PYGL: variants seen among roughly 807,000 people sequenced by gnomAD.
PYGL encodes glycogen phosphorylase, liver form.
PYGL carries 90 observed loss-of-function variants against 100.1 expected under a neutral mutation model. The observed-to-expected ratio is 0.90, with a 90% CI of 0.76 to 1.07. The LOEUF (loss-of-function observed/expected upper bound fraction) is 1.07. Ranked by LOEUF, PYGL falls within the 50% of genes least tolerant of loss-of-function variation. PYGL has a pLI of 0.00. For synonymous variants in PYGL, 373 were observed against 393.0 expected (o/e 0.95, Z 0.60); for missense variants, 1,016 against 1,057.6 (o/e 0.96, Z 0.55).
intron 5 of PYGL, chr14:50,921,364 G>A (rs1028514566): frequency 8.5e-6 from 3 of 351,622 alleles, no homozygotes; most frequent in African/African-American, 6.3e-5. Context: ...CAGTGGAATG[G>A]AATGATATGG....
At chr14:50,909,863 T>C (rs2050374549) in intron 17 of PYGL, 32 bp downstream of exon 17, 2 of 1,611,946 alleles carry the variant, frequency 1.2e-6, no homozygotes, top group Non-Finnish European at 1.7e-6. Flanking sequence ...GGAGGGGCAG[T>C]CCTGCCTAGC....
chr14:50,931,582 CTA>C, intron 4 of PYGL, 89 bp downstream of exon 4: 1 of 1,182,352 alleles, frequency 8.5e-7, no homozygotes, highest in Non-Finnish European at 1.2e-6. Context: ...TAGTACAGCT[CTA>C]TGTTAAAGGT....
Position 50,905,291 on chromosome 14 carries a change from A to T in PYGL, c.*101T>A. ...TCCCTCCCCATTCCCAGAGATACTC[A>T]ACTATTATAGATTATTAGCTAACAA... is the stretch of plus-strand genomic sequence containing the variant. On this transcript the variant is annotated 3_prime_UTR_variant, in exon 20 of 20. Transcript: ENST00000216392. The T allele has an allele frequency of 8.1e-7, 1 of 1,230,150 alleles. No homozygotes were observed. Among genetic ancestry groups the T allele is most frequent in the Non-Finnish European group, 1.2e-6 (1 of 845,024 alleles). The allele number at this position is 1,230,150 out of a possible 1,614,324, so 76.2% of individuals were successfully genotyped here. A position where few individuals can be genotyped will look rare whatever the true frequency, so the allele number is the denominator to read the frequency against.
At chr14:50,920,702 G>T in intron 6 of PYGL, 79 bp from the exon 7 acceptor site, 2 of 1,395,592 alleles carry the variant, frequency 1.4e-6, no homozygotes, top group Non-Finnish European at 2.0e-6. Flanking sequence ...CTGGCTCTGT[G>T]CTGTGTGTCA....
At chr14:50,928,646 A>C (rs1006024858) in intron 4 of PYGL, among the ~76,000 whole-genome samples, 81 of 135,094 alleles carry the variant, frequency 6.0e-4, no homozygotes, top group African/African-American at 2.1e-3. Flanking sequence ...ACACAATTTC[A>C]GGGGGTGCAC....
chr14:50,938,395 G>A (rs549116808), intron 1 of PYGL, among the ~76,000 whole-genome samples: 1 of 1,464 alleles, frequency 6.8e-4, no homozygotes, highest in African/African-American at 1.8e-3. Flanking sequence ...ATTTTTAGTA[G>A]AGATGGGGTT....
Position 50,909,850 on chromosome 14 carries a change from G to A in PYGL, c.2177+45C>T, listed in dbSNP as rs186345168. 5 of 1,601,918 alleles carry A rather than the reference G, an allele frequency of 3.1e-6. No homozygotes were observed. In the African/African-American group the frequency reaches 5.4e-5, roughly 17 times the overall value. ...CCCTCTGAGGTCACATACCTTCTAG[G>A]GGGGAGGGGCAGTCCTGCCTAGCAA... is the stretch of plus-strand genomic sequence containing the variant. On this transcript the variant is annotated intron_variant, in intron 17 of 19. Coordinates refer to ENST00000216392, the MANE Select transcript of PYGL (RefSeq NM_002863.5).
intron 1 of PYGL, among the ~76,000 whole-genome samples, chr14:50,940,244 T>C (rs1176758876): frequency 6.7e-6 from 1 of 149,432 alleles, no homozygotes; most frequent in African/African-American, 2.6e-5. Context: ...CATGTGTGTA[T>C]TTTCATTATC....
chr14:50,920,206 A>T (rs1462401499), intron 7 of PYGL, among the ~76,000 whole-genome samples: 2 of 152,226 alleles, frequency 1.3e-5, no homozygotes, highest in African/African-American at 4.8e-5. Context: ...GACTTTGCAG[A>T]TAAAATTTCT....
intron 7 of PYGL, among the ~76,000 whole-genome samples, chr14:50,917,905 G>A (rs934894528): frequency 5.9e-5 from 9 of 152,170 alleles, no homozygotes; most frequent in Admixed American, 1.3e-4. Flanking sequence ...TTACCTGGTC[G>A]TAGAATTAAA....
rs529543242 is a variant in PYGL at position 50,912,834 on chromosome 14, A to G, written c.1620+195T>C. Among the ~76,000 whole-genome samples the G allele has an allele frequency of 2.6e-3, 393 of 152,300 alleles. 1 individual carries two copies. Among genetic ancestry groups the G allele is most frequent in the African/African-American group, 8.4e-3 (350 of 41,586 alleles). On this transcript the variant is annotated intron_variant, in intron 13 of 19. Coordinates refer to ENST00000216392, the MANE Select transcript of PYGL (RefSeq NM_002863.5). ...CCGGGCGTGGTGGCGGGCGCCTGTC[A>G]TCCCAGCTGCTTGGGAGGCTGAGGC...
At position 50,907,116 on chromosome 14, in the gene PYGL, C is replaced by G. The variant is rs972186073; in HGVS notation, c.2379+1155G>C. Reference sequence around the variant, plus strand: ...GATGATCAACCTTTTTACATATTTACAAAACACAGCTAGAGAGTTGTTTGA... The same window carrying G: ...GATGATCAACCTTTTTACATATTTAGAAAACACAGCTAGAGAGTTGTTTGA... On this transcript the variant is annotated intron_variant, in intron 19 of 19. Transcript: ENST00000216392. 2.0e-5 allele frequency among the ~76,000 whole-genome samples: 3 copies of G among 152,292 alleles called. No individual in the cohort carries two copies. The East Asian group carries it at 5.8e-4, about 29-fold the overall frequency.
Position 50,915,872 on chromosome 14 carries a change from G to A in PYGL, c.1192C>T (p.Pro398Ser). ...TCATAAATGATTTCCAAATGTCGAGGGAGCAGCTTCTCCACCAGGTCCACG... is the reference window on the plus strand; with the variant it reads ...TCATAAATGATTTCCAAATGTCGAGAGAGCAGCTTCTCCACCAGGTCCACG... Reference protein sequence around the residue: ...WPVDLVEKLLPRHLEIIYEIN... With the variant: ...WPVDLVEKLLSRHLEIIYEIN... The change falls in exon 10 of 20, where the codon CCT becomes TCT. Residue 398 changes from proline to serine, a missense_variant. Transcript: ENST00000216392. The A allele has an allele frequency of 1.2e-6, 2 of 1,614,172 alleles. No homozygotes were observed. The highest frequency in any genetic ancestry group is 1.7e-6 in the Non-Finnish European group (2 of 1,180,012).
chr14:50,922,515 T>C (rs539963082), intron 5 of PYGL, among the ~76,000 whole-genome samples: 14 of 152,172 alleles, frequency 9.2e-5, no homozygotes, highest in African/African-American at 3.4e-4. Context: ...CAAACAAGAG[T>C]TGGACCCTTC....
intron 4 of PYGL, among the ~76,000 whole-genome samples, chr14:50,928,656 C>T (rs961946584): frequency 2.0e-5 from 3 of 150,738 alleles, no homozygotes; most frequent in Non-Finnish European, 3.0e-5. Context: ...AGGGGGTGCA[C>T]GATGAACACT....
chr14:50,912,130 G>A (rs1209825804), intron 14 of PYGL, 26 bp downstream of exon 14: 1 of 1,614,208 alleles, frequency 6.2e-7, no homozygotes, highest in Non-Finnish European at 8.5e-7. Context: ...CTGCAAGGGG[G>A]CTTGTTGGCT....
rs77461726 is a variant in PYGL at position 50,911,875 on chromosome 14, T to C, written c.1828-4A>G. 1.3e-6 allele frequency: 2 copies of C among 1,549,872 alleles called. No individual in the cohort carries two copies. The highest frequency in any genetic ancestry group is 2.3e-5 in the East Asian group (1 of 43,558). Reference sequence around the variant, plus strand: ...CCATGTGATATCCTGGGGCAGCCTTTGGGGAAGAAGGTCAAACGCATTGAC... The same window carrying C: ...CCATGTGATATCCTGGGGCAGCCTTCGGGGAAGAAGGTCAAACGCATTGAC... On this transcript the variant is annotated splice_polypyrimidine_tract_variant and splice_region_variant and intron_variant, in intron 15 of 19. Coordinates refer to ENST00000216392, the MANE Select transcript of PYGL (RefSeq NM_002863.5).
intron 3 of PYGL, among the ~76,000 whole-genome samples, chr14:50,932,307 C>T (rs2050608923): frequency 6.6e-6 from 1 of 152,178 alleles, no homozygotes; most frequent in African/African-American, 2.4e-5. Flanking sequence ...ATTAGGTGAT[C>T]ATATGCTTCA....
In PYGL at chr14:50,924,070, C is replaced by T. The variant is rs770642815; in HGVS notation, c.559G>A (p.Gly187Arg). 6.2e-7 allele frequency: 1 copy of T among 1,613,852 alleles called. No homozygotes were observed. Among genetic ancestry groups the T allele is most frequent in the East Asian group, 2.2e-5 (1 of 44,878 alleles). ...VEEADDWLRY[G>R]NPWEKSRPEF... The stretch of plus-strand genomic sequence containing the variant: ...GGGCGGGACTTCTCCCAAGGGTTTC[C>T]ATATCTGAGCCAATCATCTGCTTCT... Residue 187 changes from glycine (G) to arginine (R), a missense_variant, in exon 5 of 20, where the codon GGA becomes AGA. Gly to Arg is a moderately radical substitution (Grantham distance 125, BLOSUM62 -2). Coordinates refer to ENST00000216392, the MANE Select transcript of PYGL (RefSeq NM_002863.5).
Sources: gnomAD v4.1 joint callset for allele counts (sites outside exome capture counted in the v4.1 genomes callset) on GRCh38, gnomAD v4.1.1 for gene constraint, MANE v1.5 for transcripts, NCBI Gene and HGNC (gene_info 2026-07-23, HGNC 2026-07-21) for gene names.